Variants in LRP1B observed in about 807,000 individuals in gnomAD.
LRP1B encodes the protein low-density lipoprotein receptor-related protein 1B.
A neutral mutation model predicts 556.6 loss-of-function variants in LRP1B; 217 were observed. That is an observed-to-expected ratio of 0.39 (90% CI 0.35 to 0.44). The LOEUF (loss-of-function observed/expected upper bound fraction) is 0.44. Among genes scored for constraint, LRP1B ranks in the 20% least tolerant of loss-of-function variants. The pLI is 1.00. For synonymous variants in LRP1B, 2,047 were observed against 1,865.8 expected (o/e 1.10, Z -2.50); for missense variants, 5,053 against 5,620.8 (o/e 0.90, Z 3.23).
chr2:140,273,808 T>C (rs1682563012), intron 85 of LRP1B, among the ~76,000 whole-genome samples: 1 of 151,994 alleles, frequency 6.6e-6, no homozygotes, highest in South Asian at 2.1e-4. Context: ...CACAACCCTT[T>C]AGCCGCAATG....
chr2:141,801,302 T>A (rs891994719), intron 2 of LRP1B, among the ~76,000 whole-genome samples: 5 of 152,112 alleles, frequency 3.3e-5, no homozygotes, highest in African/African-American at 1.2e-4. Context: ...TTTCTATATA[T>A]TTTAGAGACA....
rs2105231545 is a variant in LRP1B at position 140,907,873 on chromosome 2, A to G, written c.3520+4T>C. ...AGAAGTCAGTACAATTAAACATGCA[A>G]TACCACAGAGATAGCCTTCATCAGA... On this transcript the variant is annotated splice_donor_region_variant and intron_variant, in intron 22 of 90. Coordinates refer to ENST00000389484, the MANE Select transcript of LRP1B (RefSeq NM_018557.3). 1.9e-6 allele frequency: 3 copies of G among 1,613,168 alleles called. No individual in the cohort carries two copies. Among genetic ancestry groups the G allele is most frequent in the Non-Finnish European group, 2.5e-6 (3 of 1,179,292 alleles).
At chr2:140,854,118 G>A (rs73964718) in intron 27 of LRP1B, among the ~76,000 whole-genome samples, 2,702 of 149,886 alleles carry the variant, frequency 0.018, 77 homozygotes, top group African/African-American at 0.062. Flanking sequence ...GGAGTAAAAG[G>A]GAAGACAAGA....
At chr2:141,319,069 TC>T (rs1292523384) in intron 3 of LRP1B, among the ~76,000 whole-genome samples, 4 of 152,070 alleles carry the variant, frequency 2.6e-5, no homozygotes, top group Non-Finnish European at 5.9e-5. Context: ...CTTTATGCCT[TC>T]CCCTAGATCA....
intron 1 of LRP1B, among the ~76,000 whole-genome samples, chr2:141,972,989 C>T (rs1327762221): frequency 6.6e-6 from 1 of 151,544 alleles, no homozygotes; most frequent in African/African-American, 2.4e-5. Context: ...TTACCAATTT[C>T]AAATGTTTCA....
chr2:141,798,065 T>G (rs1175740647), intron 2 of LRP1B, among the ~76,000 whole-genome samples: 1 of 152,176 alleles, frequency 6.6e-6, no homozygotes, highest in Non-Finnish European at 1.5e-5. Flanking sequence ...TTATACAATA[T>G]TATACCTATG....
At chr2:140,528,641 G>T (rs1690545358) in intron 47 of LRP1B, among the ~76,000 whole-genome samples, 1 of 151,866 alleles carries the variant, frequency 6.6e-6, no homozygotes, top group Non-Finnish European at 1.5e-5. Flanking sequence ...ATTATTTGGT[G>T]TAGGGTTTGA....
chr2:140,492,051 T>C (rs1025933039), intron 57 of LRP1B, among the ~76,000 whole-genome samples: 3 of 152,138 alleles, frequency 2.0e-5, no homozygotes, highest in African/African-American at 7.2e-5. Context: ...TCTGTTTTTT[T>C]CCTGAGTAGC....
At position 141,508,091 on chromosome 2, in the gene LRP1B, C is replaced by CCCA. The variant is rs1553523422; in HGVS notation, c.206-27559_206-27558insTGG. On this transcript the variant is annotated intron_variant, in intron 2 of 90. Coordinates refer to ENST00000389484, the MANE Select transcript of LRP1B (RefSeq NM_018557.3). ...AAAGAGGGAGACTCCATCCCCCCCC[C>CCCA]AAAAAAAAAGAAAGAAAAGAAAAAA... Among the ~76,000 whole-genome samples the CCCA allele has an allele frequency of 7.2e-3, 1,065 of 148,048 alleles. 10 individuals are homozygous for CCCA. Among genetic ancestry groups the CCCA allele is most frequent in the Non-Finnish European group, 0.012 (785 of 66,686 alleles).
chr2:140,338,015 G>A (rs1352203936), intron 77 of LRP1B, among the ~76,000 whole-genome samples: 1 of 151,182 alleles, frequency 6.6e-6, no homozygotes, highest in African/African-American at 2.4e-5. Flanking sequence ...GTGAATTGTA[G>A]AAGGATAAAT....
intron 18 of LRP1B, among the ~76,000 whole-genome samples, chr2:140,978,409 G>A (rs1696668982): frequency 6.6e-6 from 1 of 152,076 alleles, no homozygotes; most frequent in Admixed American, 6.6e-5. Flanking sequence ...TGTTCATGAA[G>A]CTGAAATGTA....
intron 43 of LRP1B, among the ~76,000 whole-genome samples, chr2:140,594,532 C>T (rs1240050354): frequency 6.6e-6 from 1 of 152,176 alleles, no homozygotes; most frequent in Admixed American, 6.5e-5. Flanking sequence ...CATCATACTG[C>T]ATTCGAGGGC....
chr2:141,273,983 A>G (rs1685187032), intron 3 of LRP1B, among the ~76,000 whole-genome samples: 1 of 152,246 alleles, frequency 6.6e-6, no homozygotes. Context: ...TGTAATCATT[A>G]TGCAAATGTA....
At chr2:140,915,059 T>C (rs567841127) in intron 21 of LRP1B, among the ~76,000 whole-genome samples, 1 of 152,164 alleles carries the variant, frequency 6.6e-6, no homozygotes, top group South Asian at 2.1e-4. Flanking sequence ...AACTAAGAAA[T>C]CTTTCCTGGT....
In LRP1B at chr2:140,716,820, T is replaced by C. The variant is rs768200427; in HGVS notation, c.5759-4A>G. On this transcript the variant is annotated splice_region_variant and splice_polypyrimidine_tract_variant and intron_variant, in intron 35 of 90. Transcript: ENST00000389484. ...GTCCAGTAGATGGTATCATTTTCTA[T>C]GGATAAGACACAGAAAAAAAATACA... 1.9e-6 allele frequency: 3 copies of C among 1,556,450 alleles called. No homozygotes were observed. The highest frequency in any genetic ancestry group is 2.6e-6 in the Non-Finnish European group (3 of 1,143,772).
intron 11 of LRP1B, among the ~76,000 whole-genome samples, chr2:141,045,803 A>T (rs1212883464): frequency 6.6e-6 from 1 of 152,170 alleles, no homozygotes; most frequent in Non-Finnish European, 1.5e-5. Context: ...ATTAATTTTT[A>T]AAAAAGGAAT....
At chr2:141,922,353 G>A (rs1280497956) in intron 1 of LRP1B, among the ~76,000 whole-genome samples, 1 of 152,080 alleles carries the variant, frequency 6.6e-6, no homozygotes, top group Non-Finnish European at 1.5e-5. Flanking sequence ...TTTACTCTAA[G>A]GACTTATATC....
Position 140,303,726 on chromosome 2 carries a change from G to A in LRP1B, c.12806-5757C>T, listed in dbSNP as rs184506273. On this transcript the variant is annotated intron_variant, in intron 83 of 90. Coordinates refer to ENST00000389484, the MANE Select transcript of LRP1B (RefSeq NM_018557.3). The stretch of plus-strand genomic sequence containing the variant: ...CACAACATGCGGGTTTGTTACATAG[G>A]TATACATGTGCCATGTTGGTGTGCT... Among the ~76,000 whole-genome samples the A allele has an allele frequency of 2.4e-3, 367 of 151,984 alleles. 2 individuals carry two copies. The highest frequency in any genetic ancestry group is 8.2e-3 in the African/African-American group (339 of 41,422).
At position 140,962,565 on chromosome 2, in the gene LRP1B, G is replaced by GCTCCTCTTCAGA. The variant is rs565452511; in HGVS notation, c.2888-10626_2888-10625insTCTGAAGAGGAG. Among the ~76,000 whole-genome samples, 562 of 152,222 alleles carry GCTCCTCTTCAGA rather than the reference G, an allele frequency of 3.7e-3. 4 individuals are homozygous for GCTCCTCTTCAGA. The highest frequency in any genetic ancestry group is 6.6e-3 in the Non-Finnish European group (446 of 68,012). ...AGCTTCTTCTCTGAAGAGGAGGTTG[G>GCTCCTCTTCAGA]CTCCAGACAACTCACAGAAGTTACA... is the stretch of plus-strand genomic sequence containing the variant. On this transcript the variant is annotated intron_variant, in intron 18 of 90. Transcript: ENST00000389484.
Sources: gnomAD v4.1 joint callset for allele counts (sites outside exome capture counted in the v4.1 genomes callset) on GRCh38, gnomAD v4.1.1 for gene constraint, MANE v1.5 for transcripts, NCBI Gene and HGNC (gene_info 2026-07-23, HGNC 2026-07-21) for gene names.